Variants in IGFN1 observed in about 807,000 individuals in gnomAD.
IGFN1 encodes the protein immunoglobulin like and fibronectin type III domain containing 1, also known as immunoglobulin-like and fibronectin type III domain-containing protein 1.
A neutral mutation model predicts 289.5 loss-of-function variants in IGFN1; 253 were observed. That is an observed-to-expected ratio of 0.87 (90% CI 0.79 to 0.97). The LOEUF (loss-of-function observed/expected upper bound fraction) is 0.97, where lower values mean the gene tolerates loss of function less well. IGFN1 is among the 50% of genes least tolerant of loss of function. IGFN1 has a pLI of 0.00. For synonymous variants in IGFN1, 1,706 were observed against 1,788.5 expected, an observed-to-expected ratio of 0.95 and a Z score of 1.16; for missense variants, 4,470 against 4,686.1, an observed-to-expected ratio of 0.95 and a Z score of 1.35.
Position 201,211,690 on chromosome 1 carries a change from C to T in IGFN1, c.6797C>T (p.Thr2266Ile), listed in dbSNP as rs955257512. 6.5e-7 allele frequency: 1 copy of T among 1,536,844 alleles called. No homozygotes were observed. Among genetic ancestry groups the T allele is most frequent in the Non-Finnish European group, 8.7e-7 (1 of 1,146,814 alleles). Residue 2266 changes from threonine (T) to isoleucine (I), a missense_variant, in exon 12 of 24, where the codon ACA becomes ATA. By Grantham distance (89) the Thr-to-Ile change is moderately conservative. Around this residue, in one of 8 missense-constraint regions of IGFN1, gnomAD observed 2,218 missense variants for 2,114.1 expected, o/e 1.05. Coordinates refer to ENST00000335211, the MANE Select transcript of IGFN1 (RefSeq NM_001164586.2). ...APEEMGSGSY[T>I]DYRNGLGSSG... ...GAGGAAATGGGTTCAGGCAGTTACA[C>T]AGATTACAGGAATGGTTTAGGCAGT...
At chr1:201,201,581 C>T (rs1192186416) in intron 8 of IGFN1, 138 bp from the exon 9 acceptor site, 5 of 570,094 alleles carry the variant, frequency 8.8e-6, no homozygotes, top group Non-Finnish European at 1.6e-5. Flanking sequence ...CTTACTTTCC[C>T]CCACTTGTAA....
At chr1:201,217,220 C>CA (rs1258625218) in intron 16 of IGFN1, 67 bp from the exon 17 acceptor site, 29 of 1,463,760 alleles carry the variant, frequency 2.0e-5, no homozygotes, top group Non-Finnish European at 2.7e-5. Context: ...CCCCTACCCC[C>CA]AGGGGCTCCC....
chr1:201,227,096 C>A lies in IGFN1; in HGVS notation c.11001C>A (p.Gly3667=). The A allele has an allele frequency of 1.2e-6, 2 of 1,613,538 alleles. No homozygotes were observed. Among genetic ancestry groups the A allele is most frequent in the South Asian group, 1.1e-5 (1 of 91,082 alleles). Residue 3667 remains glycine (G), a synonymous_variant, in exon 23 of 24, where the codon GGC becomes GGA. Transcript: ENST00000335211. ...NPAVYSTDLL[G]VCSLTIPSVS... ...CGGTGTACAGCACTGACCTGCTGGG[C>A]GTGTGCTCCCTCACCATCCCCAGCG...
At position 201,225,956 on chromosome 1, in the gene IGFN1, C is replaced by A. The variant is rs374356845; in HGVS notation, c.10619C>A (p.Ala3540Glu). ...LHYAVFTRSS[A>E]HGPWHEAADR... is the part of the protein sequence containing the mutation. Reference sequence around the variant, plus strand: ...TACGCGGTGTTCACACGCTCCTCAGCGCACGGTCCCTGGCACGAGGCAGCC... The same window carrying A: ...TACGCGGTGTTCACACGCTCCTCAGAGCACGGTCCCTGGCACGAGGCAGCC... Residue 3540 changes from alanine to glutamate, a missense_variant, in exon 22 of 24, where the codon GCG becomes GAG. By Grantham distance (107) the Ala-to-Glu change is moderately radical. Transcript: ENST00000335211. 4.4e-6 allele frequency: 7 copies of A among 1,592,256 alleles called. No individual in the cohort carries two copies. Among genetic ancestry groups the A allele is most frequent in the African/African-American group, 2.7e-5 (2 of 74,582 alleles).
chr1:201,213,390 A>C lies in IGFN1; in HGVS notation c.8497A>C (p.Arg2833=), dbSNP rs372369698. The stretch of plus-strand genomic sequence containing the variant: ...GGCTGAGGTTGGAGGAGGAAAGAGA[A>C]GGGGAGCAGACGAGGCTGGAAGCAT... ...SGAEVGGGKR[R]GADEAGSMGW... The change falls in exon 12 of 24, where the codon AGG becomes CGG. Residue 2833 remains arginine (R), a synonymous_variant. Coordinates refer to ENST00000335211, the MANE Select transcript of IGFN1 (RefSeq NM_001164586.2). The C allele has an allele frequency of 6.2e-7, 1 of 1,613,668 alleles. No homozygotes were observed. The highest frequency in any genetic ancestry group is 1.3e-5 in the African/African-American group (1 of 74,880).
In IGFN1 at chr1:201,211,672, T is replaced by C. The variant is rs1667810736; in HGVS notation, c.6779T>C (p.Met2260Thr). 1 of 1,536,820 alleles carries C rather than the reference T, an allele frequency of 6.5e-7. No individual in the cohort carries two copies. Among genetic ancestry groups the C allele is most frequent in the Admixed American group, 2.0e-5 (1 of 50,948 alleles). ...AAGGATTTGGGAGCTCCTGAGGAAA[T>C]GGGTTCAGGCAGTTACACAGATTAC... Reference protein sequence around the residue: ...YRKDLGAPEEMGSGSYTDYRN... With the variant: ...YRKDLGAPEETGSGSYTDYRN... Residue 2260 changes from methionine (M) to threonine (T), a missense_variant, in exon 12 of 24, where the codon ATG becomes ACG. By Grantham distance (81) the Met-to-Thr change is moderately conservative. Coordinates refer to ENST00000335211, the MANE Select transcript of IGFN1 (RefSeq NM_001164586.2).
At chr1:201,225,737 C>G (rs1654036290) in intron 21 of IGFN1, 87 bp from the exon 22 acceptor site, 2 of 1,217,072 alleles carry the variant, frequency 1.6e-6, no homozygotes, top group East Asian at 2.5e-5. Flanking sequence ...TCCCCAGGAC[C>G]CTCAGAAGTC....
rs1037223944 is a variant in IGFN1 at position 201,207,280 on chromosome 1, G to A, written c.2387G>A (p.Gly796Asp). Residue 796 changes from glycine (G) to aspartate (D), a missense_variant, in exon 12 of 24, where the codon GGC becomes GAC. By Grantham distance (94) the Gly-to-Asp change is moderately conservative. Transcript: ENST00000335211. ...GVLQELRGRD[G>D]QETAWASGEV... The stretch of plus-strand genomic sequence containing the variant: ...CTACAGGAGCTCAGGGGAAGGGATG[G>A]CCAGGAAACAGCTTGGGCCTCGGGT... 2.4e-5 allele frequency: 37 copies of A among 1,536,730 alleles called. No individual in the cohort carries two copies. In the Admixed American group the frequency reaches 6.9e-4, roughly 29 times the overall value.
At chr1:201,226,783 C>A in intron 22 of IGFN1, 99 bp from the exon 23 acceptor site, 1 of 906,064 alleles carries the variant, frequency 1.1e-6, no homozygotes, top group Non-Finnish European at 1.7e-6. Context: ...CCAGATAAGG[C>A]CTACATGGTA....
intron 6 of IGFN1, 96 bp from the exon 7 acceptor site, chr1:201,199,513 A>G: frequency 7.0e-7 from 1 of 1,428,708 alleles, no homozygotes. Context: ...CCCCTTCCAA[A>G]GGCTCAGTTG....
At position 201,217,178 on chromosome 1, in the gene IGFN1, G is replaced by T. The variant is rs879130319; in HGVS notation, c.9596-109G>T. The T allele has an allele frequency of 1.2e-5, 11 of 945,722 alleles. No homozygotes were observed. The South Asian group carries it at 1.6e-4, about 14-fold the overall frequency. The allele number at this position is 945,722 out of a possible 1,614,324, so 58.6% of individuals were successfully genotyped here. On this transcript the variant is annotated intron_variant, in intron 16 of 23. Coordinates refer to ENST00000335211, the MANE Select transcript of IGFN1 (RefSeq NM_001164586.2). ...TCAGCCCCGACACTCACCAGGACAG[G>T]GCGGAGTGTGGCCTGTCCCAGATGC...
chr1:201,216,563 C>T lies in IGFN1; in HGVS notation c.9405C>T (p.Cys3135=). 6.2e-7 allele frequency: 1 copy of T among 1,613,562 alleles called. No individual in the cohort carries two copies. The highest frequency in any genetic ancestry group is 8.5e-7 in the Non-Finnish European group (1 of 1,179,828). Residue 3135 remains cysteine, a synonymous_variant, in exon 16 of 24, where the codon TGC becomes TGT. Coordinates refer to ENST00000335211, the MANE Select transcript of IGFN1 (RefSeq NM_001164586.2). ...PRDNGGRTVE[C]YVVERRQAGR... ...ACAATGGGGGCCGGACTGTAGAGTG[C>T]TACGTGGTGGAGAGACGGCAGGCTG...
Position 201,212,748 on chromosome 1 carries a change from C to A in IGFN1, c.7855C>A (p.Gln2619Lys), listed in dbSNP as rs773106959. 1.3e-6 allele frequency: 2 copies of A among 1,551,534 alleles called. No individual in the cohort carries two copies. The highest frequency in any genetic ancestry group is 2.4e-5 in the South Asian group (2 of 84,038). ...GKSTSGPADR[Q>K]GTSNAWAPDW... ...GTCAACATCAGGGCCTGCTGATAGA[C>A]AAGGGACGAGCAATGCTTGGGCTCC... The change falls in exon 12 of 24, where the codon CAA becomes AAA. Residue 2619 changes from glutamine (Q) to lysine (K), a missense_variant. Transcript: ENST00000335211.
chr1:201,204,098 C>G (rs1454964867), intron 10 of IGFN1, among the ~76,000 whole-genome samples, 192 bp downstream of exon 10: 1 of 152,176 alleles, frequency 6.6e-6, no homozygotes, highest in Admixed American at 6.5e-5. Context: ...TGCGAGTTAT[C>G]TCTCCTGGTG....
rs1558165112 is a variant in IGFN1 at position 201,228,426 on chromosome 1, G to A, written c.*27G>A. ...CTCACCTCACCCTGGGATGGTCCTG[G>A]ACCCTTGAAGCTTCACTTCCGACAC... On this transcript the variant is annotated 3_prime_UTR_variant, in exon 24 of 24. Transcript: ENST00000335211. The A allele has an allele frequency of 6.2e-7, 1 of 1,612,830 alleles. No homozygotes were observed. The highest frequency in any genetic ancestry group is 8.5e-7 in the Non-Finnish European group (1 of 1,178,828).
At position 201,210,837 on chromosome 1, in the gene IGFN1, G is replaced by C; in HGVS notation, c.5944G>C (p.Asp1982His). 2.0e-6 allele frequency: 3 copies of C among 1,535,004 alleles called. No individual in the cohort carries two copies. Among genetic ancestry groups the C allele is most frequent in the Non-Finnish European group, 2.6e-6 (3 of 1,146,336 alleles). ...MGSGSKEGFRDGLGGSEEMGS... is the reference protein window; with the variant it reads ...MGSGSKEGFRHGLGGSEEMGS... ...TTCAGGGAGTAAGGAAGGTTTCAGG[G>C]ATGGTTTAGGGGGTTCTGAGGAAAT... The change falls in exon 12 of 24, where the codon GAT becomes CAT. Residue 1982 changes from aspartate (D) to histidine (H), a missense_variant. Physicochemically the swap from Asp to His is moderately conservative, Grantham distance 81. Coordinates refer to ENST00000335211, the MANE Select transcript of IGFN1 (RefSeq NM_001164586.2).
At chr1:201,191,983 G>A (rs1327514242) in intron 1 of IGFN1, among the ~76,000 whole-genome samples, 2 of 152,078 alleles carry the variant, frequency 1.3e-5, no homozygotes, top group Non-Finnish European at 2.9e-5. Context: ...CTGCACTGAG[G>A]GGTGGGTGGG....
Position 201,206,329 on chromosome 1 carries a change from C to G in IGFN1, c.1436C>G (p.Ala479Gly). Residue 479 changes from alanine to glycine, a missense_variant, in exon 12 of 24, where the codon GCT (alanine) becomes GGT (glycine). Around this residue, in one of 8 missense-constraint regions of IGFN1, gnomAD observed 2,011 missense variants for 1,953.4 expected, o/e 1.03. Coordinates refer to ENST00000335211, the MANE Select transcript of IGFN1 (RefSeq NM_001164586.2). ...TCCTTGATGGGGGACAAAGGGACAG[C>G]TGACTCAGCCTGGGGCCCTGGACAG... ...GYSLMGDKGT[A>G]DSAWGPGQEG... 6 of 1,550,378 alleles carry G rather than the reference C, an allele frequency of 3.9e-6. No homozygotes were observed. Among genetic ancestry groups the G allele is most frequent in the Non-Finnish European group, 5.2e-6 (6 of 1,146,978 alleles).
At chr1:201,200,187 A>G (rs1261491675) in intron 7 of IGFN1, 50 bp from the exon 8 acceptor site, 1 of 1,493,594 alleles carries the variant, frequency 6.7e-7, no homozygotes, top group Admixed American at 2.1e-5. Flanking sequence ...GGTGGCCAAC[A>G]GAGGAGCAGG....
Sources: allele counts gnomAD v4.1 joint callset (sites outside exome capture counted in the v4.1 genomes callset), GRCh38; gene constraint gnomAD v4.1.1; regional missense constraint gnomAD v4.1.1; transcripts MANE v1.5; gene names NCBI Gene and HGNC (gene_info 2026-07-23, HGNC 2026-07-21).